FLCN: variants seen among roughly 807,000 people sequenced by gnomAD.
FLCN encodes the protein BHD skin lesion fibrofolliculoma protein.
In FLCN, 22 loss-of-function variants were observed where a neutral mutation model predicts 62.5. The ratio of observed to expected loss-of-function variants is 0.35; its 90% CI spans 0.25 to 0.50. FLCN has a LOEUF of 0.50. FLCN is among the 20% of genes least tolerant of loss of function. The probability of loss-of-function intolerance (pLI) is 0.97; values close to 1 mark genes in which losing one functional copy is unlikely to be tolerated. For synonymous variants in FLCN, 319 were observed against 310.0 expected, an observed-to-expected ratio of 1.03 and a Z score of -0.30; for missense variants, 657 against 778.0, an observed-to-expected ratio of 0.84 and a Z score of 1.85.
chr17:17,236,900 A>ACCCCCGCCTACCCCTCAGC lies in FLCN; in HGVS notation c.-228+11_-228+12insGCTGAGGGGTAGGCGGGGG. 6.6e-6 allele frequency: 1 copy of ACCCCCGCCTACCCCTCAGC among 150,582 alleles called. No individual in the cohort carries two copies. Among genetic ancestry groups the ACCCCCGCCTACCCCTCAGC allele is most frequent in the African/African-American group, 2.5e-5 (1 of 40,802 alleles). The allele number at this position is 150,582 out of a possible 1,614,324, so 9.3% of individuals were successfully genotyped here. ...ACATGCCCCTCCGCCAACCCCTCAG[A>ACCCCCGCCTACCCCTCAGC]CCCCCGCCTACCTGCTCCCCAAATC... is the stretch of plus-strand genomic sequence containing the variant. On this transcript the variant is annotated intron_variant, in intron 1 of 13. Transcript: ENST00000285071.
chr17:17,234,541 T>C (rs979054004), intron 1 of FLCN, among the ~76,000 whole-genome samples: 17 of 151,638 alleles, frequency 1.1e-4, no homozygotes, highest in Admixed American at 2.6e-4. Context: ...TTATTCGTTT[T>C]TCCTTTTAAT....
chr17:17,230,005 T>C (rs905950796), intron 3 of FLCN, among the ~76,000 whole-genome samples: 9 of 152,094 alleles, frequency 5.9e-5, no homozygotes, highest in African/African-American at 2.2e-4. Context: ...TCCTAACGAA[T>C]GCAGGAAAGC....
At chr17:17,217,477 C>A in intron 9 of FLCN, 1 of 451,284 alleles carries the variant, frequency 2.2e-6, no homozygotes. Flanking sequence ...CAATATTCAC[C>A]TTCTCTCTAC....
rs2046806701 is a variant in FLCN at position 17,213,355 on chromosome 17, A to C, written c.*300T>G. The C allele has an allele frequency of 1.9e-6, 1 of 532,136 alleles. No homozygotes were observed. Among genetic ancestry groups the C allele is most frequent in the East Asian group, 3.2e-5 (1 of 31,170 alleles). The allele number at this position is 532,136 out of a possible 1,614,324, so 33.0% of individuals were successfully genotyped here. Reference sequence around the variant, plus strand: ...TGCGGGTTTTGAGTCTAAGTCCACAAGGGGCCTGGGAGGCAAGCTGTCCTC... The same window carrying C: ...TGCGGGTTTTGAGTCTAAGTCCACACGGGGCCTGGGAGGCAAGCTGTCCTC... On this transcript the variant is annotated 3_prime_UTR_variant, in exon 14 of 14. Coordinates refer to ENST00000285071, the MANE Select transcript of FLCN (RefSeq NM_144997.7).
chr17:17,228,353 C>T, intron 3 of FLCN, 192 bp from the exon 4 acceptor site: 2 of 626,566 alleles, frequency 3.2e-6, no homozygotes, highest in South Asian at 2.0e-5. Flanking sequence ...AGGATCTTCC[C>T]ATGGGAGTCA....
chr17:17,229,445 C>T (rs368564214), intron 3 of FLCN: 1 of 152,394 alleles, frequency 6.6e-6, no homozygotes, highest in South Asian at 2.1e-4. Context: ...ACACTGGTCA[C>T]AAACGGATAA....
In FLCN at chr17:17,213,291, T is replaced by G; in HGVS notation, c.*364A>C. 2 of 443,404 alleles carry G rather than the reference T, an allele frequency of 4.5e-6. No homozygotes were observed. The highest frequency in any genetic ancestry group is 3.9e-5 in the East Asian group (1 of 25,812). The allele number at this position is 443,404 out of a possible 1,614,324, so 27.5% of individuals were successfully genotyped here. A position where few individuals can be genotyped will look rare whatever the true frequency, so the allele number is the denominator to read the frequency against. On this transcript the variant is annotated 3_prime_UTR_variant, in exon 14 of 14. Transcript: ENST00000285071. ...TGAATGTTAACCTCGGGAGCAGACA[T>G]GTTATTGCGACTGCATACTGAGTCG...
chr17:17,229,967 G>A (rs886694197), intron 3 of FLCN, among the ~76,000 whole-genome samples: 3 of 152,224 alleles, frequency 2.0e-5, no homozygotes, highest in African/African-American at 7.2e-5. Flanking sequence ...GCAGAGGGAT[G>A]GCCGCGGCAG....
chr17:17,227,386 T>C (rs1005822998), intron 4 of FLCN, among the ~76,000 whole-genome samples: 9 of 151,340 alleles, frequency 5.9e-5, no homozygotes, highest in African/African-American at 2.2e-4. Flanking sequence ...AATACAAACA[T>C]GAAGGCCACG....
intron 11 of FLCN, 89 bp from the exon 12 acceptor site, chr17:17,215,405 TC>T: frequency 6.3e-7 from 1 of 1,597,846 alleles, no homozygotes; most frequent in Non-Finnish European, 8.5e-7. Flanking sequence ...ACTCCGCTCA[TC>T]CCAGGTCAGT....
chr17:17,216,361 A>G lies in FLCN; in HGVS notation c.1300+19T>C. The G allele has an allele frequency of 6.2e-7, 1 of 1,612,844 alleles. No individual in the cohort carries two copies. The highest frequency in any genetic ancestry group is 8.5e-7 in the Non-Finnish European group (1 of 1,179,478). ...ACCTCAGCGCAGGGCATGGCCCCAC[A>G]GCCCGCGGGGGCACGCACCTGAGGA... is the stretch of plus-strand genomic sequence containing the variant. On this transcript the variant is annotated intron_variant, in intron 11 of 13. Transcript: ENST00000285071. The surrounding 1 kb of genome is among the most constrained non-coding windows in gnomAD (Gnocchi z 4.0).
chr17:17,228,197 C>A (rs1352595982), intron 3 of FLCN, 36 bp from the exon 4 acceptor site: 7 of 1,588,498 alleles, frequency 4.4e-6, no homozygotes, highest in East Asian at 2.2e-5. Context: ...CTTGCCAATG[C>A]CTATTGACTC....
At chr17:17,221,316 G>C in intron 8 of FLCN, 1 of 1,554,368 alleles carries the variant, frequency 6.4e-7, no homozygotes, top group South Asian at 1.2e-5. Flanking sequence ...CCTAGCTGGG[G>C]AACAGATTCT....
At chr17:17,227,211 C>G (rs1597615253) in intron 4 of FLCN, among the ~76,000 whole-genome samples, 1 of 152,148 alleles carries the variant, frequency 6.6e-6, no homozygotes, top group African/African-American at 2.4e-5. Flanking sequence ...GACCCAGGTC[C>G]TCCACAAAAA....
At chr17:17,226,383 G>C (rs766240090) in intron 4 of FLCN, 61 bp from the exon 5 acceptor site, 14 of 1,602,340 alleles carry the variant, frequency 8.7e-6, no homozygotes, top group Non-Finnish European at 1.2e-5. Context: ...AACTCTCTTA[G>C]GTTTATGCAA....
rs980319370 is a variant in FLCN, at chr17:17,213,827, T to C, written c.1568A>G (p.Lys523Arg). 4 of 1,614,090 alleles carry C rather than the reference T, an allele frequency of 2.5e-6. No individual in the cohort carries two copies. The African/African-American group carries it at 4.0e-5, about 16-fold the overall frequency. The change falls in exon 14 of 14, where the codon AAG becomes AGG. Residue 523 changes from lysine (K) to arginine (R), a missense_variant. Lys to Arg is a conservative substitution (Grantham distance 26). Coordinates refer to ENST00000285071, the MANE Select transcript of FLCN (RefSeq NM_144997.7). The stretch of plus-strand genomic sequence containing the variant: ...GTCCTCTTTGGGTCGACTGTCCACC[T>C]TGGTGAACTTAAAAAGCACCTTCAC... ...NKVKVLFKFT[K>R]VDSRPKEDTQ... is the part of the protein sequence containing the mutation.
chr17:17,215,359 T>G (rs771319151), intron 11 of FLCN, 43 bp from the exon 12 acceptor site: 1 of 1,612,426 alleles, frequency 6.2e-7, no homozygotes, highest in South Asian at 1.1e-5. Flanking sequence ...TCCCCCATGC[T>G]CCTCACCTCC....
chr17:17,214,395 A>G (rs774631818), intron 13 of FLCN, among the ~76,000 whole-genome samples: 3 of 152,086 alleles, frequency 2.0e-5, no homozygotes, highest in Non-Finnish European at 4.4e-5. Context: ...GGAGTTCAAG[A>G]CCAGCCTGGC....
Position 17,216,454 on chromosome 17 carries a change from T to C in FLCN, c.1226A>G (p.Tyr409Cys), listed in dbSNP as rs2046925964. The C allele has an allele frequency of 1.9e-6, 3 of 1,613,828 alleles. No individual in the cohort carries two copies. The highest frequency in any genetic ancestry group is 2.5e-6 in the Non-Finnish European group (3 of 1,179,884). The change falls in exon 11 of 14, where the codon TAC (tyrosine) becomes TGC (cysteine). Residue 409 changes from tyrosine to cysteine, a missense_variant. Physicochemically the swap from Tyr to Cys is radical, Grantham distance 194. Coordinates refer to ENST00000285071, the MANE Select transcript of FLCN (RefSeq NM_144997.7). This position sits in a 1 kb window ranked among gnomAD's most constrained non-coding sequence, Gnocchi z 4.0. ...GAAGTTGCACCGATAGGCCTCCTCG[T>C]ACTGGCTGCTGTATGGGATGATGCG... ...CVRIIPYSSQ[Y>C]EEAYRCNFLG...
Sources: allele counts gnomAD v4.1 joint callset (sites outside exome capture counted in the v4.1 genomes callset), GRCh38; gene constraint gnomAD v4.1.1; non-coding constraint Gnocchi (gnomAD v3.1); transcripts MANE v1.5; gene names NCBI Gene and HGNC (gene_info 2026-07-23, HGNC 2026-07-21).